Variants in SNX25 observed in about 807,000 individuals in gnomAD.
SNX25 encodes sorting nexin-25.
Under a neutral mutation model 113.7 loss-of-function variants are expected in SNX25, and 62 were observed. The ratio of observed to expected loss-of-function variants is 0.55; its 90% confidence interval spans 0.44 to 0.67. The LOEUF is 0.67. Among genes scored for constraint, SNX25 ranks in the 30% least tolerant of loss-of-function variants. The probability of loss-of-function intolerance (pLI) is 0.00; values close to 1 mark genes in which losing one functional copy is unlikely to be tolerated. For missense variants in SNX25, 1,014 were observed against 1,161.0 expected (o/e 0.87, Z 1.84); for synonymous variants, 421 against 436.2 (o/e 0.97, Z 0.43).
intron 15 of SNX25, 50 bp from the exon 16 acceptor site, chr4:185,357,621 C>T (rs2095344851): frequency 6.9e-7 from 1 of 1,443,540 alleles, no homozygotes; most frequent in Non-Finnish European, 9.8e-7. Flanking sequence ...GAAAATGTCC[C>T]AAATTGTGAT....
chr4:185,267,215 A>T, intron 5 of SNX25, 60 bp downstream of exon 5: 1 of 1,431,612 alleles, frequency 7.0e-7, no homozygotes, highest in Non-Finnish European at 9.5e-7. Flanking sequence ...CTGCCTAGTT[A>T]GGTTAAAAAA....
intron 5 of SNX25, among the ~76,000 whole-genome samples, chr4:185,271,263 G>A (rs992076882): frequency 2.6e-5 from 4 of 152,138 alleles, no homozygotes; most frequent in Non-Finnish European, 5.9e-5. Flanking sequence ...TTAGATAATC[G>A]AGCTTGACAG....
At chr4:185,231,594 C>T (rs1167465049) in intron 1 of SNX25, among the ~76,000 whole-genome samples, 1 of 151,552 alleles carries the variant, frequency 6.6e-6, no homozygotes, top group Admixed American at 6.6e-5. Context: ...GCCTGTAGTC[C>T]CAGCTACTCG....
chr4:185,239,659 TTTG>T (rs1467604030), intron 1 of SNX25, among the ~76,000 whole-genome samples: 18 of 152,200 alleles, frequency 1.2e-4, no homozygotes, highest in African/African-American at 2.6e-4. Context: ...TTATTTTATT[TTTG>T]TTGTTGTTTT....
intron 5 of SNX25, among the ~76,000 whole-genome samples, chr4:185,271,078 G>A (rs1437543952): frequency 3.9e-5 from 6 of 152,092 alleles, no homozygotes; most frequent in African/African-American, 4.8e-5. Flanking sequence ...CTGCCACAGC[G>A]TACCCACCGC....
At chr4:185,371,045 A>G, downstream of SNX25, 1 of 434,464 alleles carries the variant, frequency 2.3e-6, no homozygotes, top group South Asian at 5.1e-5. Context: ...CAGCAGGCTC[A>G]ATAACCACTG....
At position 185,334,969 on chromosome 4, in the gene SNX25, A is replaced by G. The variant is rs886315403; in HGVS notation, c.1914+2210A>G. Among the ~76,000 whole-genome samples, 6 of 152,188 alleles carry G rather than the reference A, an allele frequency of 3.9e-5. No homozygotes were observed. The highest frequency in any genetic ancestry group is 3.9e-4 in the Admixed American group (6 of 15,274). On this transcript the variant is annotated intron_variant, in intron 10 of 18. Coordinates refer to ENST00000652585, the MANE Select transcript of SNX25 (RefSeq NM_001378034.2). This position sits in a 1 kb window ranked among gnomAD's most constrained non-coding sequence, Gnocchi z 4.2. Reference sequence around the variant, plus strand: ...AGCTGATCCTTCTCTCCAGAAGAAGACATAGTCCTCCTTTTGTCGTTTACT... The same window carrying G: ...AGCTGATCCTTCTCTCCAGAAGAAGGCATAGTCCTCCTTTTGTCGTTTACT...
At chr4:185,292,359 C>T (rs1752293985) in intron 6 of SNX25, among the ~76,000 whole-genome samples, 1 of 151,986 alleles carries the variant, frequency 6.6e-6, no homozygotes, top group Non-Finnish European at 1.5e-5. Context: ...TTGCGGGGAC[C>T]AAGGAGGGAG....
chr4:185,222,710 A>C (rs1293806082), intron 1 of SNX25, among the ~76,000 whole-genome samples: 2 of 152,212 alleles, frequency 1.3e-5, no homozygotes, highest in African/African-American at 4.8e-5. Context: ...TAGTTGGATG[A>C]TTTAGTAGGT....
upstream of SNX25, among the ~76,000 whole-genome samples, chr4:185,206,660 CAAAAA>C (rs375061067): frequency 1.3e-5 from 1 of 77,436 alleles, no homozygotes; most frequent in Non-Finnish European, 2.3e-5. Context: ...ACTCTTGTCT[CAAAAA>C]AAAAAAAAAA....
chr4:185,228,678 G>T (rs1741371826), intron 1 of SNX25, among the ~76,000 whole-genome samples: 1 of 152,110 alleles, frequency 6.6e-6, no homozygotes, highest in South Asian at 2.1e-4. Flanking sequence ...CAGGATTACA[G>T]GTGTGAGCCA....
chr4:185,351,329 C>A, intron 13 of SNX25, 116 bp from the exon 14 acceptor site: 2 of 1,094,874 alleles, frequency 1.8e-6, no homozygotes, highest in Non-Finnish European at 2.6e-6. Flanking sequence ...GTTTTCGGTT[C>A]AGAAGTCTGA....
intron 14 of SNX25, among the ~76,000 whole-genome samples, chr4:185,351,878 G>T (rs1051702513): frequency 4.0e-5 from 6 of 151,238 alleles, no homozygotes; most frequent in African/African-American, 1.5e-4. Context: ...TCCCCAGGTC[G>T]GGGGAGGCCA....
intron 1 of SNX25, among the ~76,000 whole-genome samples, chr4:185,236,510 T>A (rs1401823388): frequency 6.0e-5 from 9 of 150,576 alleles, no homozygotes; most frequent in Non-Finnish European, 1.5e-5. Context: ...ACCAGTAGCA[T>A]AACAGTGGCC....
At chr4:185,346,111 G>A (rs1052217339) in intron 12 of SNX25, among the ~76,000 whole-genome samples, 1 of 152,166 alleles carries the variant, frequency 6.6e-6, no homozygotes, top group Non-Finnish European at 1.5e-5. Flanking sequence ...CAGCTTCCTT[G>A]GCCTCCCAAA....
rs1348946918 is a variant in SNX25 at position 185,247,286 on chromosome 4, C to G, written c.430-8C>G. ...AATCTGCTTTGTATTTTTTTCCTTT[C>G]ATTTCAGAGTCCTGTGTATGGAAAC... On this transcript the variant is annotated splice_polypyrimidine_tract_variant and splice_region_variant and intron_variant, in intron 1 of 18. Transcript: ENST00000652585. The G allele has an allele frequency of 3.8e-6, 6 of 1,561,134 alleles. No individual in the cohort carries two copies. The highest frequency in any genetic ancestry group is 2.4e-5 in the South Asian group (2 of 83,008).
At chr4:185,303,773 C>T (rs73873425) in intron 6 of SNX25, among the ~76,000 whole-genome samples, 4,295 of 152,014 alleles carry the variant, frequency 0.028, 95 homozygotes, top group Middle Eastern at 0.062. Flanking sequence ...TGAGTGATTC[C>T]GCCATCAACT....
In SNX25 at chr4:185,362,209, GA is replaced by G. The variant is rs923667923; in HGVS notation, c.2833+114del. Reference sequence around the variant, plus strand: ...TCTTGCAGGAAACATTCTTTACAATGAAAAAAAAAAGGATCATACTCTTTTA... The same window carrying G: ...TCTTGCAGGAAACATTCTTTACAATGAAAAAAAAAGGATCATACTCTTTTA... On this transcript the variant is annotated intron_variant, in intron 17 of 18. Coordinates refer to ENST00000652585, the MANE Select transcript of SNX25 (RefSeq NM_001378034.2). 3,488 of 1,246,210 alleles carry G rather than the reference GA, an allele frequency of 2.8e-3. 3 individuals are homozygous for G. The highest frequency in any genetic ancestry group is 8.0e-3 in the South Asian group (381 of 47,856). The allele number at this position is 1,246,210 out of a possible 1,614,324, so 77.2% of individuals were successfully genotyped here. A position where few individuals can be genotyped will look rare whatever the true frequency, so the allele number is the denominator to read the frequency against.
intron 12 of SNX25, among the ~76,000 whole-genome samples, chr4:185,342,367 T>C (rs937755684): frequency 6.6e-6 from 1 of 152,216 alleles, no homozygotes; most frequent in African/African-American, 2.4e-5. Flanking sequence ...GACCTAAGGA[T>C]CACCTAGGTA....
Sources: allele counts gnomAD v4.1 joint callset (sites outside exome capture counted in the v4.1 genomes callset), GRCh38; gene constraint gnomAD v4.1.1; non-coding constraint Gnocchi (gnomAD v3.1); transcripts MANE v1.5; gene names NCBI Gene and HGNC (gene_info 2026-07-23, HGNC 2026-07-21).